EPHB1: variants seen among roughly 807,000 people sequenced by gnomAD.
EPHB1 encodes the protein EPH receptor B1, also known as ephrin type-B receptor 1.
Under a neutral mutation model 94.4 loss-of-function variants are expected in EPHB1, and 30 were observed. That is an observed-to-expected ratio of 0.32 (90% confidence interval 0.24 to 0.43). EPHB1 has a LOEUF of 0.43. EPHB1 is among the 20% of genes least tolerant of loss of function. The pLI, the probability that EPHB1 is intolerant of heterozygous loss-of-function variation, is 1.00. For missense variants in EPHB1, 1,055 were observed against 1,308.3 expected, an observed-to-expected ratio of 0.81 and a Z score of 2.99; for synonymous variants, 522 against 489.1, an observed-to-expected ratio of 1.07 and a Z score of -0.89.
chr3:135,185,486 TC>T (rs1258620483), intron 10 of EPHB1, among the ~76,000 whole-genome samples: 1 of 152,242 alleles, frequency 6.6e-6, no homozygotes, highest in African/African-American at 2.4e-5. Flanking sequence ...ATACTCTACA[TC>T]TTTCACAAGC....
intron 3 of EPHB1, among the ~76,000 whole-genome samples, chr3:135,011,191 T>G (rs1418645255): frequency 6.6e-6 from 1 of 152,244 alleles, no homozygotes; most frequent in Admixed American, 6.5e-5. Flanking sequence ...ATTGCTTCAG[T>G]GTCTTATGGC....
At chr3:134,852,952 C>T (rs1290172597) in intron 1 of EPHB1, among the ~76,000 whole-genome samples, 1 of 152,156 alleles carries the variant, frequency 6.6e-6, no homozygotes, top group Non-Finnish European at 1.5e-5. Flanking sequence ...CTCTGAGCCT[C>T]ACAGTCTCCT....
chr3:135,087,176 G>A (rs1281859017), intron 3 of EPHB1, among the ~76,000 whole-genome samples: 2 of 152,188 alleles, frequency 1.3e-5, no homozygotes, highest in Non-Finnish European at 2.9e-5. Flanking sequence ...AATGGTGAGA[G>A]TGCTTCCAGA....
At chr3:135,118,145 G>T (rs549375934) in intron 4 of EPHB1, among the ~76,000 whole-genome samples, 3 of 152,282 alleles carry the variant, frequency 2.0e-5, no homozygotes, top group Admixed American at 1.3e-4. Flanking sequence ...CACACCCGGG[G>T]ACAGGGTCTG....
intron 1 of EPHB1, among the ~76,000 whole-genome samples, chr3:134,842,218 C>G (rs572488955): frequency 3.3e-5 from 5 of 152,298 alleles, no homozygotes; most frequent in African/African-American, 1.2e-4. Context: ...AAAGTGGGTC[C>G]TCACCAGTCT....
intron 2 of EPHB1, among the ~76,000 whole-genome samples, chr3:134,928,151 C>T (rs193292210): frequency 3.9e-5 from 6 of 152,334 alleles, no homozygotes; most frequent in South Asian, 2.1e-4. Flanking sequence ...CCTTTCCCCA[C>T]GCACACACGT....
At chr3:134,874,282 C>G (rs911031695) in intron 1 of EPHB1, among the ~76,000 whole-genome samples, 1 of 152,048 alleles carries the variant, frequency 6.6e-6, no homozygotes, top group South Asian at 2.1e-4. Flanking sequence ...AGCCGAACAC[C>G]GCATGTTCTC....
chr3:135,131,720 G>T (rs1160670512), intron 4 of EPHB1, among the ~76,000 whole-genome samples: 2 of 152,162 alleles, frequency 1.3e-5, no homozygotes, highest in African/African-American at 4.8e-5. Flanking sequence ...TTGCAACAAG[G>T]CATTTCAGTT....
chr3:135,198,336 C>G (rs1475332453), intron 11 of EPHB1, among the ~76,000 whole-genome samples: 1 of 152,174 alleles, frequency 6.6e-6, no homozygotes, highest in East Asian at 1.9e-4. Flanking sequence ...TCTGTGAAAA[C>G]AATATAATAT....
intron 1 of EPHB1, among the ~76,000 whole-genome samples, chr3:134,844,947 T>G (rs975185144): frequency 6.6e-6 from 1 of 152,190 alleles, no homozygotes; most frequent in African/African-American, 2.4e-5. Context: ...TTTCCTCCCC[T>G]ACTTACCAAA....
At chr3:134,851,934 T>A (rs1340665305) in intron 1 of EPHB1, among the ~76,000 whole-genome samples, 2 of 152,170 alleles carry the variant, frequency 1.3e-5, no homozygotes, top group Admixed American at 6.5e-5. Context: ...CCATGGGCCT[T>A]AGGATGAACC....
intron 1 of EPHB1, 28 bp downstream of exon 1, chr3:134,795,717 G>A (rs1466870521): frequency 6.2e-7 from 1 of 1,607,750 alleles, no homozygotes; most frequent in African/African-American, 1.4e-5. Context: ...GAGCAAGTTG[G>A]CTGCTGGTGC....
At chr3:135,160,158 C>A (rs1029740620) in intron 6 of EPHB1, among the ~76,000 whole-genome samples, 1 of 152,140 alleles carries the variant, frequency 6.6e-6, no homozygotes, top group Non-Finnish European at 1.5e-5. Flanking sequence ...AGGAAAGGAA[C>A]CATGCCTTTG....
chr3:135,174,278 TCTGA>T (rs1458698531), intron 9 of EPHB1, among the ~76,000 whole-genome samples: 1 of 152,126 alleles, frequency 6.6e-6, no homozygotes, highest in Non-Finnish European at 1.5e-5. Flanking sequence ...TTCCCATGCT[TCTGA>T]CTATCACTGA....
At chr3:135,025,062 C>T (rs532365842) in intron 3 of EPHB1, among the ~76,000 whole-genome samples, 3 of 149,840 alleles carry the variant, frequency 2.0e-5, no homozygotes, top group East Asian at 2.0e-4. Context: ...TTAAATGTAG[C>T]GTGTTTAGAT....
chr3:135,203,529 A>T (rs1455366532), intron 12 of EPHB1, among the ~76,000 whole-genome samples: 1 of 152,234 alleles, frequency 6.6e-6, no homozygotes, highest in Non-Finnish European at 1.5e-5. Flanking sequence ...AGGCAAAATG[A>T]AAGATACCAT....
chr3:135,256,088 CTTTTA>C (rs1288138581), intron 15 of EPHB1, among the ~76,000 whole-genome samples: 1 of 151,976 alleles, frequency 6.6e-6, no homozygotes, highest in Non-Finnish European at 1.5e-5. Flanking sequence ...TTCCTCCATC[CTTTTA>C]TTTTGAGCCT....
chr3:135,228,023 A>G lies in EPHB1; in HGVS notation c.2347-13125A>G, dbSNP rs1408196054. Among the ~76,000 whole-genome samples, 4 of 152,208 alleles carry G rather than the reference A, an allele frequency of 2.6e-5. No homozygotes were observed. In the East Asian group the frequency reaches 7.7e-4, roughly 29 times the overall value. On this transcript the variant is annotated intron_variant, in intron 12 of 15. Coordinates refer to ENST00000398015, the MANE Select transcript of EPHB1 (RefSeq NM_004441.5). ...GGATATTCTCTTACATAACTATAGT[A>G]CAGTTATCAACTTTAGTAATTTAAC...
At chr3:134,926,170 T>G (rs1042555928) in intron 2 of EPHB1, among the ~76,000 whole-genome samples, 3 of 152,140 alleles carry the variant, frequency 2.0e-5, no homozygotes, top group East Asian at 3.9e-4. Flanking sequence ...CTAGTGGCAC[T>G]GAGGCAGATC....
Sources: allele counts gnomAD v4.1 joint callset (sites outside exome capture counted in the v4.1 genomes callset), GRCh38; gene constraint gnomAD v4.1.1; transcripts MANE v1.5; gene names NCBI Gene and HGNC (gene_info 2026-07-23, HGNC 2026-07-21).